The following SUMF1 variants were observed in gnomAD, a reference collection of about 807,000 sequenced individuals.
SUMF1 encodes the protein formylglycine-generating enzyme.
SUMF1 carries 48 observed loss-of-function variants against 47.6 expected under a neutral mutation model. That is an observed-to-expected ratio of 1.01 (90% CI 0.80 to 1.28). The LOEUF (loss-of-function observed/expected upper bound fraction) is 1.28. Ranked by LOEUF, SUMF1 falls within the 50% of genes most tolerant of loss-of-function variation. SUMF1 has a pLI of 0.00. For synonymous variants in SUMF1, 230 were observed against 192.1 expected (o/e 1.20, Z -1.63); for missense variants, 571 against 485.4 (o/e 1.18, Z -1.66).
intron 8 of SUMF1, among the ~76,000 whole-genome samples, chr3:4,314,564 A>G (rs1698558560): frequency 8.9e-6 from 1 of 112,418 alleles, no homozygotes; most frequent in Admixed American, 7.6e-5. Context: ...GACACATTGT[A>G]AATTTTTCAT....
chr3:4,442,628 AGAGAAAAAGGAAAAAAAAAAAAAAG>A (rs1702639859), intron 3 of SUMF1, among the ~76,000 whole-genome samples: 1 of 31,516 alleles, frequency 3.2e-5, no homozygotes, highest in Non-Finnish European at 2.2e-4. Flanking sequence ...GAGGGACAAG[AGAGAAAAAGGAAAAAAAAAAAAAAG>A]AGAGAGAAAA....
chr3:4,449,655 AAT>A (rs1339643580), intron 2 of SUMF1, among the ~76,000 whole-genome samples: 2 of 152,236 alleles, frequency 1.3e-5, no homozygotes, highest in Non-Finnish European at 2.9e-5. Flanking sequence ...GACTCTGGGA[AAT>A]AGTATTCTGT....
intron 8 of SUMF1, among the ~76,000 whole-genome samples, chr3:4,224,307 T>C (rs972957816): frequency 6.6e-6 from 1 of 152,128 alleles, no homozygotes; most frequent in African/African-American, 2.4e-5. Context: ...TGTCAACAGA[T>C]GGCCTAGCTG....
At chr3:4,261,490 A>G (rs193205586) in intron 8 of SUMF1, among the ~76,000 whole-genome samples, 1 of 152,356 alleles carries the variant, frequency 6.6e-6, no homozygotes, top group East Asian at 1.9e-4. Flanking sequence ...TGCAGAAATT[A>G]AAACAGCCTG....
intron 9 of SUMF1, among the ~76,000 whole-genome samples, chr3:4,052,697 C>T (rs576849505): frequency 6.6e-6 from 1 of 152,266 alleles, no homozygotes; most frequent in East Asian, 1.9e-4. Context: ...TCTCGTGATA[C>T]CCTCAAGAGA....
intron 8 of SUMF1, among the ~76,000 whole-genome samples, chr3:4,333,296 T>C (rs1354567719): frequency 6.6e-6 from 1 of 152,196 alleles, no homozygotes; most frequent in African/African-American, 2.4e-5. Context: ...CCTGCACCTG[T>C]CTGTCTGCAT....
intron 8 of SUMF1, among the ~76,000 whole-genome samples, chr3:4,235,400 C>G (rs1249505648): frequency 6.6e-6 from 1 of 151,830 alleles, no homozygotes; most frequent in Non-Finnish European, 1.5e-5. Flanking sequence ...CTAGGCTAGA[C>G]CAGAGATACA....
At chr3:4,429,917 G>A (rs189682244) in intron 3 of SUMF1, among the ~76,000 whole-genome samples, 1 of 152,320 alleles carries the variant, frequency 6.6e-6, no homozygotes, top group East Asian at 1.9e-4. Flanking sequence ...TCTCCTGCTG[G>A]TGGAGGCAAA....
chr3:4,055,353 G>T (rs894096658), intron 9 of SUMF1, among the ~76,000 whole-genome samples: 1 of 151,994 alleles, frequency 6.6e-6, no homozygotes, highest in Non-Finnish European at 1.5e-5. Context: ...TTAATATATT[G>T]ACTCTTTATA....
chr3:4,303,823 C>T, intron 8 of SUMF1: 3 of 1,369,536 alleles, frequency 2.2e-6, no homozygotes, highest in Non-Finnish European at 2.9e-6. Context: ...AAGGAGGCAT[C>T]ACGGGGGGAG....
intron 8 of SUMF1, among the ~76,000 whole-genome samples, chr3:4,180,185 C>T (rs992874079): frequency 6.6e-6 from 1 of 152,124 alleles, no homozygotes; most frequent in Non-Finnish European, 1.5e-5. Context: ...CCAGCAATCC[C>T]ATTACTGGGT....
At chr3:4,243,443 G>C (rs541084004) in intron 8 of SUMF1, among the ~76,000 whole-genome samples, 167 of 152,296 alleles carry the variant, frequency 1.1e-3, no homozygotes, top group African/African-American at 3.9e-3. Context: ...ATGTGTCCCA[G>C]AGATTATGGT....
rs372094183 is a variant in SUMF1, at chr3:4,291,451, T to C, written c.1014+84879A>G. ...CACTCTAAAGTGCCTTCCTCTCTCC[T>C]TCTTTTTACCACTTTATTTCATAAT... On this transcript the variant is annotated intron_variant and NMD_transcript_variant, in intron 8 of 12. Coordinates refer to the SUMF1 transcript ENST00000448413. Among the ~76,000 whole-genome samples the C allele has an allele frequency of 4.9e-4, 75 of 152,256 alleles. No individual in the cohort carries two copies. In the South Asian group the frequency reaches 0.016, roughly 32 times the overall value.
chr3:4,350,269 A>T (rs1699466253), intron 8 of SUMF1, among the ~76,000 whole-genome samples: 1 of 151,558 alleles, frequency 6.6e-6, no homozygotes, highest in African/African-American at 2.4e-5. Context: ...TGATCTGCCC[A>T]CCTTGGCCTC....
intron 8 of SUMF1, among the ~76,000 whole-genome samples, chr3:4,184,336 A>C (rs1224125271): frequency 5.3e-5 from 8 of 151,534 alleles, no homozygotes; most frequent in Non-Finnish European, 1.2e-4. Context: ...TGCGCCTGTA[A>C]TCCTAGCTAC....
Position 4,199,032 on chromosome 3 carries a change from A to G in SUMF1, c.1015-130287T>C, listed in dbSNP as rs192464394. ...ATTTATAATACCATAAAATTCGACC[A>G]CTTGAAGTTTACAGATCAAATGAGT... On this transcript the variant is annotated intron_variant and NMD_transcript_variant, in intron 8 of 12. Transcript: ENST00000448413. 8.5e-4 allele frequency among the ~76,000 whole-genome samples: 130 copies of G among 152,210 alleles called. 1 individual carries two copies. The highest frequency in any genetic ancestry group is 1.2e-3 in the Non-Finnish European group (81 of 68,000).
chr3:4,411,001 T>G (rs778118114), intron 6 of SUMF1, 23 bp from the exon 7 acceptor site: 1 of 1,594,466 alleles, frequency 6.3e-7, no homozygotes, highest in Admixed American at 1.7e-5. Flanking sequence ...ACAGGAAAAA[T>G]GCTGTCAAAC....
Position 4,244,216 on chromosome 3 carries a change from G to A in SUMF1, c.1014+132114C>T, listed in dbSNP as rs370346545. ...AATGAGTCTTTACTCTATCCAACTTGCCAGTCTGTGTCTTTTAATTGGGGC... is the reference window on the plus strand; with the variant it reads ...AATGAGTCTTTACTCTATCCAACTTACCAGTCTGTGTCTTTTAATTGGGGC... On this transcript the variant is annotated intron_variant and NMD_transcript_variant, in intron 8 of 12. Coordinates refer to the SUMF1 transcript ENST00000448413. 3.0e-4 allele frequency among the ~76,000 whole-genome samples: 45 copies of A among 152,220 alleles called. 1 individual carries two copies. In the East Asian group the frequency reaches 6.4e-3, roughly 22 times the overall value.
intron 8 of SUMF1, among the ~76,000 whole-genome samples, chr3:4,080,061 C>T (rs1338544702): frequency 1.3e-5 from 2 of 151,940 alleles, no homozygotes; most frequent in Admixed American, 6.6e-5. Context: ...TAGTCACTCC[C>T]AGAGGGTCCT....
Sources: allele counts gnomAD v4.1 joint callset (sites outside exome capture counted in the v4.1 genomes callset), GRCh38; gene constraint gnomAD v4.1.1; transcripts MANE v1.5; gene names NCBI Gene and HGNC (gene_info 2026-07-23, HGNC 2026-07-21).